Variants in LRRFIP1 observed in about 807,000 individuals in gnomAD.
LRRFIP1 encodes the protein leucine-rich repeat flightless-interacting protein 1.
Under a neutral mutation model 104.4 loss-of-function variants are expected in LRRFIP1, and 62 were observed. The observed-to-expected ratio is 0.59, with a 90% CI of 0.48 to 0.73. The LOEUF (loss-of-function observed/expected upper bound fraction) is 0.73. LRRFIP1 is among the 30% of genes least tolerant of loss of function. LRRFIP1 has a pLI of 0.00. For missense variants in LRRFIP1, 796 were observed against 824.5 expected, an observed-to-expected ratio of 0.97 and a Z score of 0.42; for synonymous variants, 300 against 299.0, an observed-to-expected ratio of 1.00 and a Z score of -0.03.
At chr2:237,675,256 G>T (rs184147276) in intron 1 of LRRFIP1, among the ~76,000 whole-genome samples, 6 of 152,122 alleles carry the variant, frequency 3.9e-5, no homozygotes, top group Non-Finnish European at 8.8e-5. Context: ...TTGCTTTTTC[G>T]GCCAAGCAAC....
intron 8 of LRRFIP1, among the ~76,000 whole-genome samples, chr2:237,731,824 A>T (rs114327615): frequency 0.012 from 1,764 of 152,312 alleles, 37 homozygotes; most frequent in African/African-American, 0.041. Flanking sequence ...GAGCTGACTC[A>T]TTCAAACAGG....
At chr2:237,764,169 A>G in intron 19 of LRRFIP1, 2 of 1,614,016 alleles carry the variant, frequency 1.2e-6, no homozygotes, top group Non-Finnish European at 1.7e-6. Flanking sequence ...CGCGGTGCAC[A>G]GGAAGTCTCA....
chr2:237,725,739 C>A (rs1377422436), intron 7 of LRRFIP1, among the ~76,000 whole-genome samples: 1 of 152,186 alleles, frequency 6.6e-6, no homozygotes, highest in African/African-American at 2.4e-5. Context: ...CCCAGGTTTT[C>A]GTAGAAGGCT....
chr2:237,702,861 C>G (rs2093611748), intron 1 of LRRFIP1, among the ~76,000 whole-genome samples: 1 of 152,172 alleles, frequency 6.6e-6, no homozygotes, highest in Non-Finnish European at 1.5e-5. Flanking sequence ...CCCCACTACC[C>G]AGCCTCAACA....
At chr2:237,749,653 A>G (rs754065126) in intron 13 of LRRFIP1, among the ~76,000 whole-genome samples, 8 of 152,164 alleles carry the variant, frequency 5.3e-5, no homozygotes, top group Non-Finnish European at 1.0e-4. Flanking sequence ...CTTGGTCTGC[A>G]TAGACATTCA....
At chr2:237,699,513 C>T (rs541227578) in intron 1 of LRRFIP1, among the ~76,000 whole-genome samples, 14 of 152,060 alleles carry the variant, frequency 9.2e-5, no homozygotes, top group South Asian at 4.2e-4. Flanking sequence ...CCACCATGCC[C>T]GGCTAATTTT....
Position 237,772,898 on chromosome 2 carries a change from T to C in LRRFIP1, c.1660T>C (p.Phe554Leu). The change falls in exon 22 of 24, where the codon TTT becomes CTT. Residue 554 changes from phenylalanine (F) to leucine (L), a missense_variant. Transcript: ENST00000308482. ...DANRQISDLK[F>L]KLAKSEQEIT... ...CAACAGACAGATCAGCGACCTCAAA[T>C]TTAAACTTGCAAAATCTGAGCAAGA... is the stretch of plus-strand genomic sequence containing the variant. 6.2e-7 allele frequency: 1 copy of C among 1,613,986 alleles called. No homozygotes were observed. The highest frequency in any genetic ancestry group is 2.2e-5 in the East Asian group (1 of 44,890).
Position 237,739,257 on chromosome 2 carries a change from A to G in LRRFIP1, c.581A>G (p.Asn194Ser). The G allele has an allele frequency of 6.4e-7, 1 of 1,564,350 alleles. No individual in the cohort carries two copies. Among genetic ancestry groups the G allele is most frequent in the African/African-American group, 1.4e-5 (1 of 73,280 alleles). The change falls in exon 11 of 24, where the codon AAC becomes AGC. Residue 194 changes from asparagine (N) to serine (S), a missense_variant. Transcript: ENST00000308482. ...CCCTCGGAGTACAGCGGCCACCTCA[A>G]CTCCAGCTCCCGCGCCTCCTCCAGG... Reference protein sequence around the residue: ...RAPSEYSGHLNSSSRASSRAS... With the variant: ...RAPSEYSGHLSSSSRASSRAS...
intron 1 of LRRFIP1, among the ~76,000 whole-genome samples, chr2:237,652,005 G>C (rs55707470): frequency 0.16 from 24,749 of 152,218 alleles, 2,481 homozygotes; most frequent in South Asian, 0.33. Context: ...CCTAGGTGGT[G>C]CTGTGTGCTT....
chr2:237,779,400 A>G lies in LRRFIP1; in HGVS notation c.1813-22A>G. 2 of 1,609,630 alleles carry G rather than the reference A, an allele frequency of 1.2e-6. 1 individual carries two copies. The highest frequency in any genetic ancestry group is 2.2e-5 in the South Asian group (2 of 90,670). The stretch of plus-strand genomic sequence containing the variant: ...GGAGGAAACAAGTTCCTTAAAGCTC[A>G]CTGCCTTTCCTCCGTTCCCAGCTCC... On this transcript the variant is annotated intron_variant, in intron 23 of 23. Transcript: ENST00000308482.
At position 237,753,338 on chromosome 2, in the gene LRRFIP1, T is replaced by C. The variant is rs763623096; in HGVS notation, c.897T>C (p.Tyr299=). ...CTCTAGCAGAAGTTGAAGAGAAATATAAGAAGGCTATGGTTTCCAATGCTC... is the reference window on the plus strand; with the variant it reads ...CTCTAGCAGAAGTTGAAGAGAAATACAAGAAGGCTATGGTTTCCAATGCTC... The part of the protein sequence containing the change: ...KDSLAEVEEK[Y]KKAMVSNAQL... Residue 299 remains tyrosine (Y), a synonymous_variant, in exon 15 of 24, where the codon TAT becomes TAC. Coordinates refer to ENST00000308482, the MANE Select transcript of LRRFIP1 (RefSeq NM_001137550.2). 2.3e-5 allele frequency: 36 copies of C among 1,590,762 alleles called. No homozygotes were observed. Among genetic ancestry groups the C allele is most frequent in the Non-Finnish European group, 2.8e-5 (33 of 1,174,546 alleles).
intron 20 of LRRFIP1, 52 bp from the exon 21 acceptor site, chr2:237,772,029 G>A (rs1487961864): frequency 1.9e-5 from 25 of 1,311,506 alleles, no homozygotes; most frequent in South Asian, 8.5e-5. Context: ...TCAGCTTTTC[G>A]GTCTCATTCA....
At chr2:237,666,283 A>G (rs1253295143) in intron 1 of LRRFIP1, among the ~76,000 whole-genome samples, 1 of 152,252 alleles carries the variant, frequency 6.6e-6, no homozygotes, top group East Asian at 1.9e-4. Context: ...CTGTGCAGCA[A>G]TGCAAGATAT....
chr2:237,735,120 G>A lies in LRRFIP1; in HGVS notation c.490-148G>A, dbSNP rs1335350696. ...GCACTCTGCAACCCTTTGAAGAGCT[G>A]GAAAGGTGGTTCTCAGCCTCCCCTG... is the stretch of plus-strand genomic sequence containing the variant. On this transcript the variant is annotated intron_variant, in intron 9 of 23. Coordinates refer to ENST00000308482, the MANE Select transcript of LRRFIP1 (RefSeq NM_001137550.2). This position sits in a 1 kb window ranked among gnomAD's most constrained non-coding sequence, Gnocchi z 4.6. The A allele has an allele frequency of 1.6e-6, 1 of 618,022 alleles. No homozygotes were observed. The highest frequency in any genetic ancestry group is 1.8e-5 in the African/African-American group (1 of 54,094). The allele number at this position is 618,022 out of a possible 1,614,324, so 38.3% of individuals were successfully genotyped here.
At chr2:237,752,810 T>C (rs913305022) in intron 14 of LRRFIP1, among the ~76,000 whole-genome samples, 1 of 152,214 alleles carries the variant, frequency 6.6e-6, no homozygotes, top group African/African-American at 2.4e-5. Flanking sequence ...TCACTACTGC[T>C]CCTTTCCTGG....
chr2:237,684,781 T>C lies in LRRFIP1; in HGVS notation c.97-23763T>C, dbSNP rs188912601. On this transcript the variant is annotated intron_variant, in intron 1 of 23. Transcript: ENST00000308482. ...GTAATTGGTAGATATTTGCAGTGCA[T>C]TGTCTTCATGAAAAACAAAATTGGG... Among the ~76,000 whole-genome samples, 9 of 152,232 alleles carry C rather than the reference T, an allele frequency of 5.9e-5. No individual in the cohort carries two copies. The East Asian group carries it at 1.4e-3, about 23-fold the overall frequency.
intron 1 of LRRFIP1, among the ~76,000 whole-genome samples, chr2:237,646,660 G>C (rs79025246): frequency 0.011 from 1,725 of 151,994 alleles, 55 homozygotes; most frequent in African/African-American, 0.039. Flanking sequence ...TGATCCAATA[G>C]AATTATTGCC....
At chr2:237,652,054 C>A (rs868286988) in intron 1 of LRRFIP1, among the ~76,000 whole-genome samples, 1 of 152,178 alleles carries the variant, frequency 6.6e-6, no homozygotes, top group Non-Finnish European at 1.5e-5. Context: ...GTGGTCGTCC[C>A]ATGTTTAGTG....
chr2:237,717,681 C>A lies in LRRFIP1; in HGVS notation c.202-81C>A. 1 of 1,057,156 alleles carries A rather than the reference C, an allele frequency of 9.5e-7. No homozygotes were observed. The highest frequency in any genetic ancestry group is 1.5e-6 in the Non-Finnish European group (1 of 671,694). 65.5% of individuals were successfully genotyped at this position (1,057,156 alleles called of 1,614,324 possible). On this transcript the variant is annotated intron_variant, in intron 3 of 23. Coordinates refer to ENST00000308482, the MANE Select transcript of LRRFIP1 (RefSeq NM_001137550.2). This position sits in a 1 kb window ranked among gnomAD's most constrained non-coding sequence, Gnocchi z 4.2. The stretch of plus-strand genomic sequence containing the variant: ...ACGGCTGGATGGCGGTTTGGAAATG[C>A]ATGTCAGAACAGTGCCTTAGACAAC...
Sources: gnomAD v4.1 joint callset for allele counts (sites outside exome capture counted in the v4.1 genomes callset) on GRCh38, gnomAD v4.1.1 for gene constraint, Gnocchi (gnomAD v3.1) non-coding constraint, MANE v1.5 for transcripts, NCBI Gene and HGNC (gene_info 2026-07-23, HGNC 2026-07-21) for gene names.